Variants in ANKRD50 observed in about 807,000 individuals in gnomAD.
The protein encoded by ANKRD50 is ankyrin repeat domain 50.
A neutral mutation model predicts 112.0 loss-of-function variants in ANKRD50; 40 were observed. The ratio of observed to expected loss-of-function variants is 0.36; its 90% CI spans 0.28 to 0.46. ANKRD50 has a LOEUF of 0.46. Ranked by LOEUF, ANKRD50 falls within the 20% of genes least tolerant of loss-of-function variation. The pLI, the probability that ANKRD50 is intolerant of heterozygous loss-of-function variation, is 1.00. For missense variants in ANKRD50, 1,487 were observed against 1,701.7 expected (o/e 0.87, Z 2.22); for synonymous variants, 613 against 619.1 (o/e 0.99, Z 0.15).
At chr4:124,681,341 C>T (rs761736852) in intron 2 of ANKRD50, among the ~76,000 whole-genome samples, 2 of 152,162 alleles carry the variant, frequency 1.3e-5, no homozygotes, top group Admixed American at 1.3e-4. Context: ...GGATCAGTCA[C>T]TTGTTACTTT....
At chr4:124,687,684 T>C (rs1725040278) in intron 2 of ANKRD50, among the ~76,000 whole-genome samples, 1 of 152,146 alleles carries the variant, frequency 6.6e-6, no homozygotes. Flanking sequence ...GAAAACAAAT[T>C]GTTTTTAAAT....
intron 2 of ANKRD50, among the ~76,000 whole-genome samples, chr4:124,700,179 T>C (rs1052620051): frequency 2.6e-5 from 4 of 152,132 alleles, no homozygotes; most frequent in Non-Finnish European, 5.9e-5. Context: ...ATAGGGCAAA[T>C]AGCCATACAA....
chr4:124,691,536 C>T (rs1725139527), intron 2 of ANKRD50, among the ~76,000 whole-genome samples: 1 of 138,792 alleles, frequency 7.2e-6, no homozygotes, highest in Non-Finnish European at 1.5e-5. Context: ...GAGAACAGTA[C>T]TTAACATTTC....
chr4:124,687,572 G>T (rs1233109265), intron 2 of ANKRD50, among the ~76,000 whole-genome samples: 1 of 152,098 alleles, frequency 6.6e-6, no homozygotes, highest in Non-Finnish European at 1.5e-5. Flanking sequence ...ATACTGTTAA[G>T]ATAATGAAAA....
At chr4:124,708,851 T>C (rs1375109413) in intron 2 of ANKRD50, among the ~76,000 whole-genome samples, 1 of 152,078 alleles carries the variant, frequency 6.6e-6, no homozygotes, top group East Asian at 1.9e-4. Flanking sequence ...CACAGGATTA[T>C]TATGAGGATT....
At chr4:124,708,977 G>T (rs1725567820) in intron 2 of ANKRD50, among the ~76,000 whole-genome samples, 1 of 150,630 alleles carries the variant, frequency 6.6e-6, no homozygotes, top group African/African-American at 2.4e-5. Flanking sequence ...CACCCCATTA[G>T]ATTTGAGGAT....
intron 1 of ANKRD50, among the ~76,000 whole-genome samples, chr4:124,712,175 C>T (rs1392564230): frequency 6.6e-6 from 1 of 152,146 alleles, no homozygotes; most frequent in African/African-American, 2.4e-5. Context: ...CGCCCCGCAC[C>T]GAGATTGGGG....
intron 3 of ANKRD50, 70 bp from the exon 4 acceptor site, chr4:124,672,604 G>C: frequency 9.4e-7 from 1 of 1,060,592 alleles, no homozygotes; most frequent in Non-Finnish European, 1.3e-6. Flanking sequence ...TCTTCAAAGA[G>C]AATGTCAACA....
chr4:124,668,706 A>C (rs1352030939), intron 4 of ANKRD50, among the ~76,000 whole-genome samples: 1 of 152,098 alleles, frequency 6.6e-6, no homozygotes, highest in African/African-American at 2.4e-5. Flanking sequence ...CTACCCTCAC[A>C]AAGGTTGTAT....
chr4:124,679,923 C>G (rs1051595459), intron 2 of ANKRD50, among the ~76,000 whole-genome samples: 1 of 152,166 alleles, frequency 6.6e-6, no homozygotes, highest in Non-Finnish European at 1.5e-5. Context: ...CAGCCAGGGT[C>G]ACTTCAAATG....
At chr4:124,674,248 A>C (rs1270295311) in intron 3 of ANKRD50, among the ~76,000 whole-genome samples, 1 of 151,986 alleles carries the variant, frequency 6.6e-6, no homozygotes, top group Admixed American at 6.6e-5. Context: ...CTTTAATGTA[A>C]GACTTTATAT....
chr4:124,679,827 C>T (rs1267198037), intron 2 of ANKRD50, among the ~76,000 whole-genome samples: 3 of 152,260 alleles, frequency 2.0e-5, no homozygotes, highest in East Asian at 1.9e-4. Context: ...TGTAGGCCAA[C>T]CTACCTCAAT....
At position 124,669,735 on chromosome 4, in the gene ANKRD50, T is replaced by C. The variant is rs1730586024; in HGVS notation, c.3542A>G (p.Asn1181Ser). The C allele has an allele frequency of 6.2e-7, 1 of 1,613,418 alleles. No individual in the cohort carries two copies. Among genetic ancestry groups the C allele is most frequent in the African/African-American group, 1.3e-5 (1 of 74,834 alleles). The change falls in exon 4 of 5, where the codon AAT becomes AGT. Residue 1181 changes from asparagine to serine, a missense_variant. Physicochemically the swap from Asn to Ser is conservative, Grantham distance 46. Around this residue, in one of 2 missense-constraint regions of ANKRD50, gnomAD observed 441 missense variants for 432.2 expected, o/e 1.02. Coordinates refer to ENST00000504087, the MANE Select transcript of ANKRD50 (RefSeq NM_020337.3). ...TVDRQKSSLS[N>S]NSLKSSKNSS... is the part of the protein sequence containing the mutation. ...ATTTTTTGAGCTTTTCAGGGAATTA[T>C]TTGACAGTGATGACTTCTGCCGGTC...
At chr4:124,711,988 G>A (rs549519779) in intron 1 of ANKRD50, among the ~76,000 whole-genome samples, 20 of 152,190 alleles carry the variant, frequency 1.3e-4, no homozygotes, top group Admixed American at 5.2e-4. Context: ...CACAGGTCCG[G>A]CCTCCAGTTT....
At position 124,710,427 on chromosome 4, in the gene ANKRD50, C is replaced by T; in HGVS notation, c.85G>A (p.Val29Ile). The T allele has an allele frequency of 6.2e-7, 1 of 1,614,208 alleles. No individual in the cohort carries two copies. The highest frequency in any genetic ancestry group is 1.3e-5 in the African/African-American group (1 of 75,048). Residue 29 changes from valine to isoleucine, a missense_variant, in exon 2 of 5, where the codon GTT becomes ATT. Around this residue, in one of 2 missense-constraint regions of ANKRD50, gnomAD observed 1,046 missense variants for 1,269.5 expected, o/e 0.82. Transcript: ENST00000504087. ...QGKQFYCREW[V>I]FHKLQHCLQE... ...AGGCAATGCTGAAGCTTGTGGAAAA[C>T]CCACTCCCTACAGTAAAACTGCTTC...
chr4:124,696,565 G>A (rs1378123040), intron 2 of ANKRD50, among the ~76,000 whole-genome samples: 1 of 151,990 alleles, frequency 6.6e-6, no homozygotes, highest in Non-Finnish European at 1.5e-5. Flanking sequence ...CCACATTTTG[G>A]CATGTCATGC....
At chr4:124,692,968 C>T (rs1311670758) in intron 2 of ANKRD50, among the ~76,000 whole-genome samples, 1 of 152,116 alleles carries the variant, frequency 6.6e-6, no homozygotes, top group Admixed American at 6.5e-5. Flanking sequence ...TTATCACTTC[C>T]ATTTCACAGA....
At position 124,678,138 on chromosome 4, in the gene ANKRD50, CTAAT is replaced by C. The variant is rs766407737; in HGVS notation, c.742+534_742+537del. Among the ~76,000 whole-genome samples the C allele has an allele frequency of 5.3e-5, 8 of 152,130 alleles. No homozygotes were observed. In the Middle Eastern group the frequency reaches 0.01, roughly 194 times the overall value. ...ATAGAACTACTCAAAAGTTATATGG[CTAAT>C]TAATCATTAATATCTCTCCAATTAC... On this transcript the variant is annotated intron_variant, in intron 3 of 4. Transcript: ENST00000504087.
rs1353745714 is a variant in ANKRD50, at chr4:124,670,100, A to G, written c.3177T>C (p.Asp1059=). Reference sequence around the variant, plus strand: ...CATGCTCTAATAAGACCTGAACAACATCAATGTGCCCTTCCTGGGCTGCAA... The same window carrying G: ...CATGCTCTAATAAGACCTGAACAACGTCAATGTGCCCTTCCTGGGCTGCAA... The part of the protein sequence containing the change: ...LCIAAQEGHI[D]VVQVLLEHGA... Residue 1059 remains aspartate (D), a synonymous_variant, in exon 4 of 5, where the codon GAT becomes GAC. Transcript: ENST00000504087. The G allele has an allele frequency of 1.2e-6, 2 of 1,613,328 alleles. No homozygotes were observed. The highest frequency in any genetic ancestry group is 2.7e-5 in the African/African-American group (2 of 74,870).
Sources: gnomAD v4.1 joint callset for allele counts (sites outside exome capture counted in the v4.1 genomes callset) on GRCh38, gnomAD v4.1.1 for gene constraint, gnomAD v4.1.1 regional missense constraint, MANE v1.5 for transcripts, NCBI Gene and HGNC (gene_info 2026-07-23, HGNC 2026-07-21) for gene names.